Variants in ENTPD1 observed in about 807,000 individuals in gnomAD.
ENTPD1 encodes the protein ATP diphosphohydrolase.
ENTPD1 carries 33 observed loss-of-function variants against 57.0 expected under a neutral mutation model. The ratio of observed to expected loss-of-function variants is 0.58; its 90% CI spans 0.44 to 0.77. The LOEUF (loss-of-function observed/expected upper bound fraction) is 0.77. ENTPD1 is among the 30% of genes least tolerant of loss of function. The probability of loss-of-function intolerance (pLI) is 0.00; values close to 1 mark genes in which losing one functional copy is unlikely to be tolerated. For synonymous variants in ENTPD1, 202 were observed against 218.8 expected (o/e 0.92, Z 0.68); for missense variants, 501 against 603.4 (o/e 0.83, Z 1.78).
Position 95,847,582 on chromosome 10 carries a change from A to G in ENTPD1, c.950A>G (p.Gln317Arg), listed in dbSNP as rs138357443. 6.5e-5 allele frequency: 105 copies of G among 1,614,050 alleles called. No homozygotes were observed. Among genetic ancestry groups the G allele is most frequent in the Non-Finnish European group, 8.4e-5 (99 of 1,180,030 alleles). ...CTTCCATTCCAGCAGTTTGAAATCC[A>G]GGGTATTGGAAACTATCAACAATGC... ...MTLPFQQFEI[Q>R]GIGNYQQCHQ... Residue 317 changes from glutamine to arginine, a missense_variant, in exon 7 of 10, where the codon CAG (glutamine) becomes CGG (arginine). Transcript: ENST00000371205.
At chr10:95,777,306 A>T (rs2098137799) in intron 1 of ENTPD1, among the ~76,000 whole-genome samples, 1 of 152,062 alleles carries the variant, frequency 6.6e-6, no homozygotes, top group Admixed American at 6.5e-5. Flanking sequence ...TGACCTACAG[A>T]TGGGGTTTTA....
intron 1 of ENTPD1, among the ~76,000 whole-genome samples, chr10:95,780,218 C>T (rs950423241): frequency 3.3e-5 from 5 of 152,178 alleles, no homozygotes; most frequent in African/African-American, 1.2e-4. Context: ...CTCCCATGTT[C>T]ATTGTAGCAC....
chr10:95,845,289 T>C, intron 5 of ENTPD1, 68 bp from the exon 6 acceptor site: 1 of 1,610,212 alleles, frequency 6.2e-7, no homozygotes, highest in Non-Finnish European at 8.5e-7. Flanking sequence ...AATCCCTGAC[T>C]CCAATAGATA....
intron 1 of ENTPD1, among the ~76,000 whole-genome samples, chr10:95,814,964 TTTAA>T (rs2098325021): frequency 6.6e-6 from 1 of 152,238 alleles, no homozygotes; most frequent in Admixed American, 6.5e-5. Context: ...CCTTTTGCCC[TTTAA>T]CTAACTGGTT....
chr10:95,804,788 A>C (rs1436776949), intron 1 of ENTPD1, among the ~76,000 whole-genome samples: 8 of 152,184 alleles, frequency 5.3e-5, no homozygotes, highest in Admixed American at 3.3e-4. Flanking sequence ...CAGTTTTTGC[A>C]CATTCAGTAT....
chr10:95,870,874 A>AT lies in ENTPD1; in HGVS notation c.*4495dup, dbSNP rs2098479635. The AT allele has an allele frequency of 4.1e-6, 4 of 985,258 alleles. No individual in the cohort carries two copies. Among genetic ancestry groups the AT allele is most frequent in the Non-Finnish European group, 4.8e-6 (4 of 829,930 alleles). The allele number at this position is 985,258 out of a possible 1,614,324, so 61.0% of individuals were successfully genotyped here. A position where few individuals can be genotyped will look rare whatever the true frequency, so the allele number is the denominator to read the frequency against. ...TCATGAATTGCTGCAGTAAACATTG[A>AT]TTTTCATGTTTGTGAGTCTGCAAGC... is the stretch of plus-strand genomic sequence containing the variant. On this transcript the variant is annotated 3_prime_UTR_variant, in exon 10 of 10. Transcript: ENST00000371205.
chr10:95,783,906 G>A (rs889516135), intron 1 of ENTPD1, among the ~76,000 whole-genome samples: 1 of 152,118 alleles, frequency 6.6e-6, no homozygotes, highest in Non-Finnish European at 1.5e-5. Context: ...ATTTTAAGAT[G>A]AGGCAAAATT....
chr10:95,801,557 ATTTT>A (rs1002832723), intron 1 of ENTPD1, among the ~76,000 whole-genome samples: 1 of 151,104 alleles, frequency 6.6e-6, no homozygotes, highest in Non-Finnish European at 1.5e-5. Flanking sequence ...ATTTTTATTT[ATTTT>A]TTATTTTTAT....
In ENTPD1 at chr10:95,779,346, C is replaced by T. The variant is rs144680106; in HGVS notation, c.16+23091C>T. Among the ~76,000 whole-genome samples the T allele has an allele frequency of 9.9e-5, 15 of 152,268 alleles. No homozygotes were observed. The East Asian group carries it at 2.7e-3, about 27-fold the overall frequency. ...CTGGTTCTGCCTACTTTATTCTGCA[C>T]CTTTGTGAAATTCTGCTTGGCTAAC... On this transcript the variant is annotated intron_variant, in intron 1 of 9. Transcript: ENST00000371205.
intron 1 of ENTPD1, among the ~76,000 whole-genome samples, chr10:95,799,341 T>C (rs1466787273): frequency 2.0e-5 from 3 of 152,188 alleles, no homozygotes; most frequent in Non-Finnish European, 2.9e-5. Flanking sequence ...TGCCACTTTA[T>C]ATATCCATGT....
rs1017073813 is a variant in ENTPD1, at chr10:95,867,431, T to C, written c.*1048T>C. The stretch of plus-strand genomic sequence containing the variant: ...ACAGCTATGGAAACCAACTGTACCA[T>C]AAAGATAGTTCACTGAGTTTTAAAG... On this transcript the variant is annotated 3_prime_UTR_variant, in exon 10 of 10. Coordinates refer to ENST00000371205, the MANE Select transcript of ENTPD1 (RefSeq NM_001776.6). 14 of 985,306 alleles carry C rather than the reference T, an allele frequency of 1.4e-5. No individual in the cohort carries two copies. Among genetic ancestry groups the C allele is most frequent in the Non-Finnish European group, 1.7e-5 (14 of 829,924 alleles). The allele number at this position is 985,306 out of a possible 1,614,324, so 61.0% of individuals were successfully genotyped here.
chr10:95,706,965 G>A (rs1263608258), upstream of ENTPD1, among the ~76,000 whole-genome samples: 1 of 152,218 alleles, frequency 6.6e-6, no homozygotes, highest in East Asian at 1.9e-4. Context: ...TCAGGCAGTG[G>A]GAGCAGACGC....
In ENTPD1 at chr10:95,872,268, C is replaced by T. The variant is rs529264552; in HGVS notation, c.*5885C>T. ...AAAACCACTGGTGGCTTTCCATTGC[C>T]TACAAAATAAAGTCAACCTCCCCAT... On this transcript the variant is annotated 3_prime_UTR_variant, in exon 10 of 10. Coordinates refer to ENST00000371205, the MANE Select transcript of ENTPD1 (RefSeq NM_001776.6). 9.1e-6 allele frequency: 9 copies of T among 985,394 alleles called. No individual in the cohort carries two copies. The highest frequency in any genetic ancestry group is 4.7e-5 in the South Asian group (1 of 21,288). 61.0% of individuals were successfully genotyped at this position (985,394 alleles called of 1,614,324 possible).
At chr10:95,783,742 A>G (rs990874164) in intron 1 of ENTPD1, among the ~76,000 whole-genome samples, 1 of 152,020 alleles carries the variant, frequency 6.6e-6, no homozygotes, top group Admixed American at 6.6e-5. Flanking sequence ...CACTTCTTCA[A>G]GACAGTATCC....
chr10:95,874,912 G>A lies in ENTPD1; in HGVS notation c.*8529G>A, dbSNP rs567863620. ...TGTTGGCTCCTTTCAGCCATGGCTG[G>A]AGCAGCTGGGACACAGGGCACCAAG... On this transcript the variant is annotated 3_prime_UTR_variant, in exon 10 of 10. Transcript: ENST00000371205. 6.6e-6 allele frequency among the ~76,000 whole-genome samples: 1 copy of A among 152,298 alleles called. No individual in the cohort carries two copies. The highest frequency in any genetic ancestry group is 6.5e-5 in the Admixed American group (1 of 15,300).
intron 1 of ENTPD1, among the ~76,000 whole-genome samples, chr10:95,806,421 TGGG>T (rs1022712786): frequency 2.0e-5 from 3 of 152,214 alleles, no homozygotes; most frequent in Admixed American, 2.0e-4. Flanking sequence ...TTTCTTGTGA[TGGG>T]TTTGAACATG....
At chr10:95,780,276 A>G (rs963938526) in intron 1 of ENTPD1, among the ~76,000 whole-genome samples, 2 of 152,116 alleles carry the variant, frequency 1.3e-5, no homozygotes, top group African/African-American at 4.8e-5. Context: ...TCCGTCAAAC[A>G]TTAATTTTTG....
At chr10:95,753,386 G>A (rs185775185), upstream of ENTPD1, 1 of 152,184 alleles carries the variant, frequency 6.6e-6, no homozygotes, top group African/African-American at 2.4e-5. Flanking sequence ...TTGTAGCACA[G>A]AGCATATTAC....
At chr10:95,738,261 G>T (rs2097996708) in intron 1 of ENTPD1, among the ~76,000 whole-genome samples, 1 of 152,204 alleles carries the variant, frequency 6.6e-6, no homozygotes, top group Admixed American at 6.5e-5. Context: ...CTCTGTGTGT[G>T]CATGGTTGTC....
Sources: allele counts gnomAD v4.1 joint callset (sites outside exome capture counted in the v4.1 genomes callset), GRCh38; gene constraint gnomAD v4.1.1; transcripts MANE v1.5; gene names NCBI Gene and HGNC (gene_info 2026-07-23, HGNC 2026-07-21).